The following PCDH9 variants were observed in gnomAD, a reference collection of about 807,000 sequenced individuals.
PCDH9 encodes protocadherin-9.
PCDH9 carries 24 observed loss-of-function variants against 70.6 expected under a neutral mutation model. The observed-to-expected ratio is 0.34, with a 90% CI of 0.25 to 0.48. The LOEUF (loss-of-function observed/expected upper bound fraction) is 0.48, where lower values mean the gene tolerates loss of function less well. PCDH9 is among the 20% of genes least tolerant of loss of function. PCDH9 has a pLI of 0.99. For missense variants in PCDH9, 1,281 were observed against 1,503.6 expected, an observed-to-expected ratio of 0.85 and a Z score of 2.45; for synonymous variants, 562 against 558.5, an observed-to-expected ratio of 1.01 and a Z score of -0.09.
intron 4 of PCDH9, among the ~76,000 whole-genome samples, chr13:66,495,577 A>C (rs9540772): frequency 0.55 from 82,364 of 150,902 alleles, 23,006 homozygotes; most frequent in Admixed American, 0.64. Flanking sequence ...TTGCAAAATA[A>C]ATACATACAT....
chr13:66,314,844 A>G (rs950835720), intron 4 of PCDH9, among the ~76,000 whole-genome samples: 1 of 152,214 alleles, frequency 6.6e-6, no homozygotes, highest in African/African-American at 2.4e-5. Context: ...TATGAATATG[A>G]TAAGATTGAA....
intron 2 of PCDH9, among the ~76,000 whole-genome samples, chr13:66,965,023 C>CT (rs1170305041): frequency 1.3e-5 from 2 of 151,708 alleles, no homozygotes; most frequent in African/African-American, 4.8e-5. Context: ...TTAAACATTT[C>CT]TTTTTAGAAA....
chr13:66,485,884 G>A (rs910963619), intron 4 of PCDH9, among the ~76,000 whole-genome samples: 9 of 151,704 alleles, frequency 5.9e-5, no homozygotes, highest in Non-Finnish European at 1.0e-4. Flanking sequence ...GCACCACCAC[G>A]TCTGGCTAAT....
At chr13:66,995,231 A>G (rs974204451) in intron 2 of PCDH9, among the ~76,000 whole-genome samples, 1 of 152,242 alleles carries the variant, frequency 6.6e-6, no homozygotes, top group Non-Finnish European at 1.5e-5. Flanking sequence ...CACTCTTTCA[A>G]ATGTAAAGCA....
At chr13:67,061,403 C>T (rs2085536804) in intron 2 of PCDH9, among the ~76,000 whole-genome samples, 1 of 151,994 alleles carries the variant, frequency 6.6e-6, no homozygotes, top group African/African-American at 2.4e-5. Context: ...CTCTCCCTCT[C>T]TCTCTCTATA....
chr13:67,168,194 T>G (rs2138436254), intron 2 of PCDH9, among the ~76,000 whole-genome samples: 1 of 152,328 alleles, frequency 6.6e-6, no homozygotes, highest in African/African-American at 2.4e-5. Context: ...ACCTTTATTC[T>G]TGCACCCTTC....
intron 4 of PCDH9, among the ~76,000 whole-genome samples, chr13:66,334,518 A>G (rs1956000836): frequency 6.6e-6 from 1 of 152,070 alleles, no homozygotes; most frequent in Non-Finnish European, 1.5e-5. Context: ...AGAATGCAAC[A>G]TCAACTCTTC....
intron 2 of PCDH9, among the ~76,000 whole-genome samples, chr13:66,939,609 G>A (rs541102938): frequency 1.3e-5 from 2 of 152,076 alleles, no homozygotes. Flanking sequence ...GCCAAGTTTT[G>A]TATTTTTAGT....
intron 4 of PCDH9, among the ~76,000 whole-genome samples, chr13:66,514,648 C>T (rs1566383100): frequency 2.0e-5 from 3 of 152,034 alleles, no homozygotes; most frequent in South Asian, 4.1e-4. Context: ...TTGTGGCAGA[C>T]ATGAGAAAAC....
chr13:67,083,187 T>C (rs890100063), intron 2 of PCDH9, among the ~76,000 whole-genome samples: 1 of 152,138 alleles, frequency 6.6e-6, no homozygotes, highest in African/African-American at 2.4e-5. Flanking sequence ...CAAAAATATA[T>C]ATAAATAACA....
intron 3 of PCDH9, among the ~76,000 whole-genome samples, chr13:66,837,331 T>C (rs1163357654): frequency 1.3e-5 from 2 of 152,144 alleles, no homozygotes; most frequent in Non-Finnish European, 2.9e-5. Flanking sequence ...TCCCTTGGTC[T>C]TCATGAAGTA....
At chr13:66,600,153 ACTT>A (rs1240300901) in intron 4 of PCDH9, among the ~76,000 whole-genome samples, 1 of 151,926 alleles carries the variant, frequency 6.6e-6, no homozygotes, top group Non-Finnish European at 1.5e-5. Context: ...CCCTGCATCT[ACTT>A]CTAATGAGTT....
chr13:66,681,950 C>CATATATATATATATATAT (rs56280836), intron 3 of PCDH9, among the ~76,000 whole-genome samples: 6,163 of 129,840 alleles, frequency 0.047, 225 homozygotes, highest in East Asian at 0.083. Context: ...TATATACAAA[C>CATATATATATATATATAT]ATATATATAT....
At chr13:67,216,683 C>CATATACATATATATATAT in intron 2 of PCDH9, 1 of 90,736 alleles carries the variant, frequency 1.1e-5, no homozygotes, top group South Asian at 4.0e-4. Flanking sequence ...TCTTAAGCAA[C>CATATACATATATATATAT]ATATATATAT....
intron 2 of PCDH9, among the ~76,000 whole-genome samples, chr13:67,153,715 A>G (rs1249434479): frequency 6.6e-6 from 1 of 152,216 alleles, no homozygotes; most frequent in Non-Finnish European, 1.5e-5. Context: ...AAAACCCTTT[A>G]GTATCTACCC....
At chr13:67,101,879 T>C (rs754873735) in intron 2 of PCDH9, among the ~76,000 whole-genome samples, 5 of 152,148 alleles carry the variant, frequency 3.3e-5, no homozygotes, top group Non-Finnish European at 7.4e-5. Flanking sequence ...AAGGCTGTTA[T>C]GGAATGGAAT....
chr13:67,146,470 A>C (rs2087525925), intron 2 of PCDH9, among the ~76,000 whole-genome samples: 1 of 152,176 alleles, frequency 6.6e-6, no homozygotes, highest in Admixed American at 6.5e-5. Context: ...AAACCAAACA[A>C]ACACAACAGG....
rs199537017 is a variant in PCDH9, at chr13:66,628,122, CAAAGAT to C, written c.3340+3082_3340+3087del. Reference sequence around the variant, plus strand: ...AAAAATTATTTTCTAGCCGAAAAAACAAAGATAAATACAAAACAAAACTTGTCTGTC... The same window carrying C: ...AAAAATTATTTTCTAGCCGAAAAAACAAATACAAAACAAAACTTGTCTGTC... On this transcript the variant is annotated intron_variant, in intron 4 of 4. Transcript: ENST00000377865. Among the ~76,000 whole-genome samples, 634 of 152,206 alleles carry C rather than the reference CAAAGAT, an allele frequency of 4.2e-3. 18 individuals carry two copies. The East Asian group carries it at 0.08, about 19-fold the overall frequency.
At chr13:66,700,118 C>T (rs1468008066) in intron 3 of PCDH9, among the ~76,000 whole-genome samples, 3 of 152,160 alleles carry the variant, frequency 2.0e-5, no homozygotes, top group Non-Finnish European at 4.4e-5. Context: ...AACTAGTTAA[C>T]GTGCACCTAC....
Sources: gnomAD v4.1 joint callset for allele counts (sites outside exome capture counted in the v4.1 genomes callset) on GRCh38, gnomAD v4.1.1 for gene constraint, MANE v1.5 for transcripts, NCBI Gene and HGNC (gene_info 2026-07-23, HGNC 2026-07-21) for gene names.